Variants in PLEKHO2 observed in about 807,000 individuals in gnomAD.
PLEKHO2 encodes pleckstrin homology domain-containing family O member 2.
PLEKHO2 carries 20 observed loss-of-function variants against 32.7 expected under a neutral mutation model. That is an observed-to-expected ratio of 0.61 (90% CI 0.43 to 0.89). PLEKHO2 has a LOEUF of 0.89. PLEKHO2 is among the 40% of genes least tolerant of loss of function. The pLI is 0.00. For synonymous variants in PLEKHO2, 247 were observed against 246.3 expected (o/e 1.00, Z -0.03); for missense variants, 568 against 621.2 (o/e 0.91, Z 0.91).
At chr15:64,860,109 C>A in intron 4 of PLEKHO2, 111 bp downstream of exon 4, 1 of 881,594 alleles carries the variant, frequency 1.1e-6, no homozygotes, top group Non-Finnish European at 1.8e-6. Flanking sequence ...GATTATGTCA[C>A]TGCTATGGGG....
At chr15:64,862,096 G>T (rs141882660) in intron 5 of PLEKHO2, among the ~76,000 whole-genome samples, 2 of 152,110 alleles carry the variant, frequency 1.3e-5, no homozygotes, top group African/African-American at 4.8e-5. Context: ...GAGGCACAGC[G>T]GGAGGGTTTG....
In PLEKHO2 at chr15:64,866,105, A is replaced by G. The variant is rs2084684622; in HGVS notation, c.*217A>G. ...TGCCACCCAGGGCTACTGCCTGGCTATCTGGCCTGGCCTCTGGGCTGGGGC... is the reference window on the plus strand; with the variant it reads ...TGCCACCCAGGGCTACTGCCTGGCTGTCTGGCCTGGCCTCTGGGCTGGGGC... On this transcript the variant is annotated 3_prime_UTR_variant, in exon 6 of 6. Coordinates refer to ENST00000323544, the MANE Select transcript of PLEKHO2 (RefSeq NM_025201.5). 1 of 646,140 alleles carries G rather than the reference A, an allele frequency of 1.5e-6. No homozygotes were observed. The allele number at this position is 646,140 out of a possible 1,614,324, so 40.0% of individuals were successfully genotyped here.
At chr15:64,850,905 CAAATG>C (rs1232644315) in intron 2 of PLEKHO2, among the ~76,000 whole-genome samples, 1 of 152,320 alleles carries the variant, frequency 6.6e-6, no homozygotes, top group East Asian at 1.9e-4. Flanking sequence ...ATGCCTTTGA[CAAATG>C]AAATACCTGG....
intron 5 of PLEKHO2, 80 bp from the exon 6 acceptor site, chr15:64,864,819 T>G (rs1595833468): frequency 6.8e-7 from 1 of 1,473,722 alleles, no homozygotes; most frequent in South Asian, 1.4e-5. Flanking sequence ...TGGGAGAGGG[T>G]AAGAACTCGT....
chr15:64,842,077 C>A, intron 1 of PLEKHO2, 49 bp downstream of exon 1: 1 of 1,230,066 alleles, frequency 8.1e-7, no homozygotes, highest in Non-Finnish European at 1.0e-6. Flanking sequence ...TCGAGCCCCT[C>A]ACGGGGATTG....
At chr15:64,856,285 A>G (rs2084605699) in intron 3 of PLEKHO2, among the ~76,000 whole-genome samples, 1 of 151,854 alleles carries the variant, frequency 6.6e-6, no homozygotes, top group Admixed American at 6.6e-5. Flanking sequence ...TGAGATGCAA[A>G]GTATGTTCTG....
intron 2 of PLEKHO2, 102 bp downstream of exon 2, chr15:64,848,844 G>C: frequency 6.8e-7 from 1 of 1,473,020 alleles, no homozygotes; most frequent in Admixed American, 1.8e-5. Context: ...CAGAAGACCT[G>C]CTCTACTTTT....
Position 64,866,389 on chromosome 15 carries a change from C to T in PLEKHO2, c.*501C>T, listed in dbSNP as rs1363998818. 3 of 456,506 alleles carry T rather than the reference C, an allele frequency of 6.6e-6. No individual in the cohort carries two copies. The Admixed American group carries it at 7.0e-5, about 11-fold the overall frequency. The allele number at this position is 456,506 out of a possible 1,614,324, so 28.3% of individuals were successfully genotyped here. A position where few individuals can be genotyped will look rare whatever the true frequency, so the allele number is the denominator to read the frequency against. On this transcript the variant is annotated 3_prime_UTR_variant, in exon 6 of 6. Transcript: ENST00000323544. ...CCCTCCTCCCACCTATTCTGAGTAGCTGCAGAGGCCTTGGGTCCAGGCTCT... is the reference window on the plus strand; with the variant it reads ...CCCTCCTCCCACCTATTCTGAGTAGTTGCAGAGGCCTTGGGTCCAGGCTCT...
intron 1 of PLEKHO2, among the ~76,000 whole-genome samples, chr15:64,847,616 T>C (rs1439263696): frequency 6.6e-6 from 1 of 152,170 alleles, no homozygotes; most frequent in South Asian, 2.1e-4. Flanking sequence ...TAGGCATGTA[T>C]CTGGCACCCA....
At position 64,866,575 on chromosome 15, in the gene PLEKHO2, T is replaced by G; in HGVS notation, c.*687T>G. ...GGACATTTTCTGCAGCCCCTTCCTC[T>G]CAGTGAGCTATGATTGGAGGGCTTA... On this transcript the variant is annotated 3_prime_UTR_variant, in exon 6 of 6. Transcript: ENST00000323544. 1 of 354,044 alleles carries G rather than the reference T, an allele frequency of 2.8e-6. No homozygotes were observed. Among genetic ancestry groups the G allele is most frequent in the Admixed American group, 3.6e-5 (1 of 27,468 alleles). The allele number at this position is 354,044 out of a possible 1,614,324, so 21.9% of individuals were successfully genotyped here. A position where few individuals can be genotyped will look rare whatever the true frequency, so the allele number is the denominator to read the frequency against.
intron 1 of PLEKHO2, among the ~76,000 whole-genome samples, chr15:64,842,382 CTCTCTCTCTGTGTG>C (rs2084491253): frequency 4.4e-5 from 2 of 45,586 alleles, no homozygotes; most frequent in East Asian, 3.6e-3. Context: ...CTGACTCTCT[CTCTCTCTCTGTGTG>C]TGTGTGTGTG....
chr15:64,847,088 C>T (rs1050741505), intron 1 of PLEKHO2, among the ~76,000 whole-genome samples: 2 of 152,210 alleles, frequency 1.3e-5, no homozygotes, highest in African/African-American at 2.4e-5. Flanking sequence ...CTTCAGTCTG[C>T]ATGACTGCAG....
intron 5 of PLEKHO2, among the ~76,000 whole-genome samples, chr15:64,864,161 G>A (rs1050495738): frequency 4.6e-5 from 7 of 152,182 alleles, no homozygotes; most frequent in Admixed American, 6.5e-5. Context: ...GGCCTCTGAG[G>A]CTCTCTGGGA....
At chr15:64,862,166 G>A (rs1346257987) in intron 5 of PLEKHO2, among the ~76,000 whole-genome samples, 3 of 152,128 alleles carry the variant, frequency 2.0e-5, no homozygotes, top group African/African-American at 4.8e-5. Flanking sequence ...GTTGTGGGGA[G>A]GAAATTGTGG....
Position 64,865,998 on chromosome 15 carries a change from C to T in PLEKHO2, c.*110C>T, listed in dbSNP as rs576211672. ...TTCTACAGCAATGGCTGCAGGAGGGCCATTGGGCATGTCAGGGTTTGGCCA... is the reference window on the plus strand; with the variant it reads ...TTCTACAGCAATGGCTGCAGGAGGGTCATTGGGCATGTCAGGGTTTGGCCA... On this transcript the variant is annotated 3_prime_UTR_variant, in exon 6 of 6. Transcript: ENST00000323544. The T allele has an allele frequency of 1.5e-6, 2 of 1,352,696 alleles. No homozygotes were observed. The highest frequency in any genetic ancestry group is 4.9e-5 in the East Asian group (2 of 40,576). 83.8% of individuals were successfully genotyped at this position (1,352,696 alleles called of 1,614,324 possible).
chr15:64,842,330 C>A (rs1270700705), intron 1 of PLEKHO2, among the ~76,000 whole-genome samples: 1 of 151,526 alleles, frequency 6.6e-6, no homozygotes, highest in African/African-American at 2.4e-5. Flanking sequence ...CTGAAAGTGG[C>A]CTGGGTGACT....
chr15:64,856,235 T>C (rs1366468804), intron 3 of PLEKHO2, among the ~76,000 whole-genome samples: 1 of 152,196 alleles, frequency 6.6e-6, no homozygotes, highest in African/African-American at 2.4e-5. Flanking sequence ...ACTTCCTTCC[T>C]GAGTGGGCAC....
chr15:64,863,518 T>TG (rs1491137984), intron 5 of PLEKHO2, among the ~76,000 whole-genome samples: 10 of 106,060 alleles, frequency 9.4e-5, no homozygotes, highest in Non-Finnish European at 1.9e-4. Flanking sequence ...TGTGTGTGTG[T>TG]TTGTGTGTGT....
At chr15:64,847,850 G>A (rs1045582086) in intron 1 of PLEKHO2, among the ~76,000 whole-genome samples, 1 of 152,166 alleles carries the variant, frequency 6.6e-6, no homozygotes, top group African/African-American at 2.4e-5. Flanking sequence ...GGTGGGAAGC[G>A]GAAGGGGCTG....
Sources: gnomAD v4.1 joint callset for allele counts (sites outside exome capture counted in the v4.1 genomes callset) on GRCh38, gnomAD v4.1.1 for gene constraint, MANE v1.5 for transcripts, NCBI Gene and HGNC (gene_info 2026-07-23, HGNC 2026-07-21) for gene names.